The following PRPF39 variants were observed in gnomAD, a reference collection of about 807,000 sequenced individuals.
PRPF39 encodes the protein pre-mRNA processing factor 39, also known as pre-mRNA-processing factor 39.
In PRPF39, 27 loss-of-function variants were observed where a neutral mutation model predicts 82.1. That is an observed-to-expected ratio of 0.33 (90% CI 0.24 to 0.45). The LOEUF (loss-of-function observed/expected upper bound fraction) is 0.45, where lower values mean the gene tolerates loss of function less well. Among genes scored for constraint, PRPF39 ranks in the 20% least tolerant of loss-of-function variants. The pLI, the probability that PRPF39 is intolerant of heterozygous loss-of-function variation, is 1.00. For missense variants in PRPF39, 581 were observed against 796.9 expected (o/e 0.73, Z 3.26); for synonymous variants, 261 against 256.4 (o/e 1.02, Z -0.17).
intron 1 of PRPF39, among the ~76,000 whole-genome samples, chr14:45,090,722 GTGTA>G (rs1387525526): frequency 2.6e-5 from 4 of 152,078 alleles, no homozygotes; most frequent in African/African-American, 9.7e-5. Context: ...AAATGTGTGT[GTGTA>G]TGTGTTTGTG....
chr14:45,102,838 C>T (rs1884417147), intron 5 of PRPF39, 142 bp downstream of exon 5: 3 of 811,412 alleles, frequency 3.7e-6, no homozygotes, highest in Admixed American at 2.9e-5. Context: ...TCACAACCTA[C>T]ATGCTTGCTT....
chr14:45,102,468 A>T, intron 4 of PRPF39, 61 bp from the exon 5 acceptor site: 1 of 1,360,502 alleles, frequency 7.4e-7, no homozygotes. Flanking sequence ...AAATTTAGAA[A>T]TAATATTTTA....
intron 1 of PRPF39, among the ~76,000 whole-genome samples, chr14:45,088,895 A>T (rs1334312133): frequency 2.0e-5 from 3 of 152,184 alleles, no homozygotes; most frequent in Non-Finnish European, 4.4e-5. Flanking sequence ...CTGTGCTAAA[A>T]TTTTTTTCTA....
At chr14:45,098,541 T>C (rs1884273337) in intron 4 of PRPF39, among the ~76,000 whole-genome samples, 1 of 152,208 alleles carries the variant, frequency 6.6e-6, no homozygotes, top group Non-Finnish European at 1.5e-5. Context: ...TTTTAATTGC[T>C]CCTCCCCTGC....
At position 45,110,156 on chromosome 14, in the gene PRPF39, T is replaced by C; in HGVS notation, c.1239T>C (p.Cys413=). 6.2e-7 allele frequency: 1 copy of C among 1,613,686 alleles called. No homozygotes were observed. Among genetic ancestry groups the C allele is most frequent in the Non-Finnish European group, 8.5e-7 (1 of 1,179,662 alleles). ...EGVRHVFSRA[C]TIHLPKKPMV... is the part of the protein sequence containing the mutation. ...TGAGGCATGTCTTCAGCAGAGCTTG[T>C]ACTATACATCTCCCAAAGAAACCCA... Residue 413 remains cysteine (C), a synonymous_variant, in exon 9 of 14, where the codon TGT becomes TGC. Transcript: ENST00000355765. The surrounding 1 kb of genome is among the most constrained non-coding windows in gnomAD (Gnocchi z 4.0).
chr14:45,084,426 G>A (rs1296684373), intron 1 of PRPF39, among the ~76,000 whole-genome samples, 177 bp downstream of exon 1: 1 of 152,160 alleles, frequency 6.6e-6, no homozygotes, highest in African/African-American at 2.4e-5. Flanking sequence ...CCACCTGTTG[G>A]GTGGAGCGGT....
At chr14:45,106,066 G>A (rs1162003710) in intron 5 of PRPF39, among the ~76,000 whole-genome samples, 3 of 151,956 alleles carry the variant, frequency 2.0e-5, no homozygotes, top group African/African-American at 7.3e-5. Context: ...AATGCTGAGG[G>A]TGGCGGGGCA....
Position 45,115,611 on chromosome 14 carries a change from A to C in PRPF39, c.*698A>C, listed in dbSNP as rs1352661318. 6.6e-6 allele frequency: 1 copy of C among 152,512 alleles called. No homozygotes were observed. The highest frequency in any genetic ancestry group is 1.5e-5 in the Non-Finnish European group (1 of 68,010). The allele number at this position is 152,512 out of a possible 1,614,324, so 9.4% of individuals were successfully genotyped here. On this transcript the variant is annotated 3_prime_UTR_variant, in exon 14 of 14. Transcript: ENST00000355765. ...AAGACTCATCCAGTAATTGTTTATG[A>C]ATTTATTTTGGGGGGATCAATTAGT...
At chr14:45,102,165 C>G (rs1884395962) in intron 4 of PRPF39, among the ~76,000 whole-genome samples, 2 of 152,178 alleles carry the variant, frequency 1.3e-5, no homozygotes, top group African/African-American at 4.8e-5. Context: ...ATTTGCCTCT[C>G]TTTAACTTCC....
rs970664591 is a variant in PRPF39 at position 45,110,679 on chromosome 14, T to G, written c.1434T>G (p.Leu478=). Residue 478 remains leucine, a synonymous_variant, in exon 10 of 14, where the codon CTT becomes CTG. Coordinates refer to ENST00000355765, the MANE Select transcript of PRPF39 (RefSeq NM_017922.4). The surrounding 1 kb of genome is among the most constrained non-coding windows in gnomAD (Gnocchi z 4.0). ...ATCTGGAAGAAGCTGAACATTTGCT[T>G]CAGGATGCCATTAAGAATGCCAAAT... is the stretch of plus-strand genomic sequence containing the variant. The part of the protein sequence containing the change: ...HGNLEEAEHL[L]QDAIKNAKSN... The G allele has an allele frequency of 6.3e-7, 1 of 1,576,428 alleles. No individual in the cohort carries two copies. The highest frequency in any genetic ancestry group is 1.2e-5 in the South Asian group (1 of 85,972).
rs1031973032 is a variant in PRPF39 at position 45,110,237 on chromosome 14, T to G, written c.1303+17T>G. On this transcript the variant is annotated intron_variant, in intron 9 of 13. Transcript: ENST00000355765. The surrounding 1 kb of genome is among the most constrained non-coding windows in gnomAD (Gnocchi z 4.0). Reference sequence around the variant, plus strand: ...AACAGCAGGGTAAGAGTGGAGAAATTCAGTTGACATTTTTGAGATTTTAAG... The same window carrying G: ...AACAGCAGGGTAAGAGTGGAGAAATGCAGTTGACATTTTTGAGATTTTAAG... The G allele has an allele frequency of 1.9e-5, 30 of 1,612,024 alleles. No individual in the cohort carries two copies. The highest frequency in any genetic ancestry group is 3.3e-4 in the Middle Eastern group (2 of 6,074).
chr14:45,094,820 A>G (rs1169958497), intron 1 of PRPF39, among the ~76,000 whole-genome samples: 1 of 152,166 alleles, frequency 6.6e-6, no homozygotes, highest in Non-Finnish European at 1.5e-5. Flanking sequence ...TAGCCTCCAG[A>G]ACAGTTGTTA....
At chr14:45,099,690 C>T (rs527847440) in intron 4 of PRPF39, among the ~76,000 whole-genome samples, 29 of 152,204 alleles carry the variant, frequency 1.9e-4, no homozygotes, top group African/African-American at 5.8e-4. Context: ...GTGATCCGCC[C>T]GTCTTGGCCT....
intron 4 of PRPF39, among the ~76,000 whole-genome samples, chr14:45,097,255 A>G (rs1287725500): frequency 6.6e-6 from 1 of 151,814 alleles, no homozygotes; most frequent in Admixed American, 6.6e-5. Context: ...TTTCAGATAT[A>G]TGTATAAGTA....
Position 45,107,635 on chromosome 14 carries a change from A to C in PRPF39, c.903+19A>C. 1 of 1,547,546 alleles carries C rather than the reference A, an allele frequency of 6.5e-7. No individual in the cohort carries two copies. The highest frequency in any genetic ancestry group is 8.7e-7 in the Non-Finnish European group (1 of 1,143,748). The stretch of plus-strand genomic sequence containing the variant: ...TGCAAAGGTAACCAGTCTTATTCTA[A>C]AGTTCGTCAGTGGCCAGGTATGGTG... On this transcript the variant is annotated intron_variant, in intron 6 of 13. Coordinates refer to ENST00000355765, the MANE Select transcript of PRPF39 (RefSeq NM_017922.4).
At position 45,084,881 on chromosome 14, in the gene PRPF39, GTTAA is replaced by G. The variant is rs1257020392; in HGVS notation, c.-20+638_-20+641del. ...TTTTTCTCCAAAATCACATCTTTAA[GTTAA>G]TTAATACTTGAAGTTAATAAATAAT... On this transcript the variant is annotated intron_variant, in intron 1 of 13. Transcript: ENST00000355765. Among the ~76,000 whole-genome samples the G allele has an allele frequency of 9.2e-5, 14 of 152,316 alleles. 1 individual carries two copies. Among genetic ancestry groups the G allele is most frequent in the Admixed American group, 8.5e-4 (13 of 15,298 alleles).
chr14:45,112,682 A>AG (rs1884729659), intron 11 of PRPF39, among the ~76,000 whole-genome samples, 180 bp downstream of exon 11: 1 of 152,248 alleles, frequency 6.6e-6, no homozygotes, highest in South Asian at 2.1e-4. Context: ...TGTACTTAAC[A>AG]GGAAGGCATA....
chr14:45,112,341 T>A lies in PRPF39; in HGVS notation c.1596T>A (p.Asn532Lys). 6.4e-7 allele frequency: 1 copy of A among 1,560,980 alleles called. No homozygotes were observed. The highest frequency in any genetic ancestry group is 8.6e-7 in the Non-Finnish European group (1 of 1,164,072). ...RDKENTKLYL[N>K]LLEMEYSGDL... is the part of the protein sequence containing the mutation. ...AGGAGAACACAAAGTTATACCTCAA[T>A]TTACTTGAAATGGAATATAGTGGTG... The change falls in exon 11 of 14, where the codon AAT (asparagine) becomes AAA (lysine). Residue 532 changes from asparagine (N) to lysine (K), a missense_variant. Asn to Lys is a moderately conservative substitution (Grantham distance 94). Coordinates refer to ENST00000355765, the MANE Select transcript of PRPF39 (RefSeq NM_017922.4).
rs1177984708 is a variant in PRPF39, at chr14:45,110,796, G to A, written c.1551G>A (p.Leu517=). The stretch of plus-strand genomic sequence containing the variant: ...TTCCAAAATCAAGAAAGGTGCTTTT[G>A]GAAGCAATCGAAAGAGACAAAGTAT... ...KNLPKSRKVL[L]EAIERDKENT... The change falls in exon 10 of 14, where the codon TTG becomes TTA. Residue 517 remains leucine (L), a synonymous_variant. Coordinates refer to ENST00000355765, the MANE Select transcript of PRPF39 (RefSeq NM_017922.4). The surrounding 1 kb of genome is among the most constrained non-coding windows in gnomAD (Gnocchi z 4.0). The A allele has an allele frequency of 7.7e-6, 12 of 1,551,996 alleles. No homozygotes were observed. The highest frequency in any genetic ancestry group is 9.6e-6 in the Non-Finnish European group (11 of 1,147,008).
Sources: allele counts gnomAD v4.1 joint callset (sites outside exome capture counted in the v4.1 genomes callset), GRCh38; gene constraint gnomAD v4.1.1; non-coding constraint Gnocchi (gnomAD v3.1); transcripts MANE v1.5; gene names NCBI Gene and HGNC (gene_info 2026-07-23, HGNC 2026-07-21).